TMEM135: variants seen among roughly 807,000 people sequenced by gnomAD.
TMEM135 encodes peroxisomal membrane protein 52.
A neutral mutation model predicts 60.3 loss-of-function variants in TMEM135; 30 were observed. The observed-to-expected ratio is 0.50, with a 90% CI of 0.37 to 0.68. TMEM135 has a LOEUF of 0.68. Among genes scored for constraint, TMEM135 ranks in the 30% least tolerant of loss-of-function variants. The pLI, the probability that TMEM135 is intolerant of heterozygous loss-of-function variation, is 0.00. For synonymous variants in TMEM135, 190 were observed against 186.7 expected, an observed-to-expected ratio of 1.02 and a Z score of -0.14; for missense variants, 468 against 548.8, an observed-to-expected ratio of 0.85 and a Z score of 1.47.
intron 6 of TMEM135, among the ~76,000 whole-genome samples, chr11:87,254,889 C>G (rs1420053427): frequency 6.6e-6 from 1 of 151,982 alleles, no homozygotes; most frequent in Non-Finnish European, 1.5e-5. Flanking sequence ...TCCTGTAATT[C>G]CAGCATTTTA....
At chr11:87,265,506 A>G (rs568075257) in intron 6 of TMEM135, among the ~76,000 whole-genome samples, 1 of 151,888 alleles carries the variant, frequency 6.6e-6, no homozygotes, top group East Asian at 1.9e-4. Context: ...TCTTCCTCCA[A>G]ATTTGTTTCT....
At chr11:87,056,464 A>G (rs1033231229) in intron 1 of TMEM135, among the ~76,000 whole-genome samples, 4 of 152,178 alleles carry the variant, frequency 2.6e-5, no homozygotes, top group African/African-American at 9.7e-5. Context: ...CCCATGGTTA[A>G]ATTTCATGAT....
At chr11:87,237,492 C>T (rs1016562409) in intron 6 of TMEM135, among the ~76,000 whole-genome samples, 5 of 151,676 alleles carry the variant, frequency 3.3e-5, no homozygotes, top group South Asian at 2.1e-4. Flanking sequence ...AAGACAGTTG[C>T]GGATTTTTAG....
intron 5 of TMEM135, among the ~76,000 whole-genome samples, chr11:87,191,987 C>CTTTTTTTTTTTTTTTTTTTTTTTTTT (rs200969171): frequency 6.5e-5 from 5 of 77,188 alleles, no homozygotes; most frequent in African/African-American, 2.9e-4. Flanking sequence ...CTTTTCTTTT[C>CTTTTTTTTTTTTTTTTTTTTTTTTTT]TTTTTTTTTT....
intron 5 of TMEM135, among the ~76,000 whole-genome samples, chr11:87,198,960 T>C (rs1940032332): frequency 6.6e-6 from 1 of 152,208 alleles, no homozygotes; most frequent in Admixed American, 6.5e-5. Context: ...ATCTATGCAG[T>C]GCTATAATAG....
chr11:87,176,494 G>T (rs185797301), intron 5 of TMEM135, among the ~76,000 whole-genome samples: 1 of 152,276 alleles, frequency 6.6e-6, no homozygotes, highest in Non-Finnish European at 1.5e-5. Flanking sequence ...TAGTGAGTTT[G>T]CTATATAATG....
intron 4 of TMEM135, among the ~76,000 whole-genome samples, chr11:87,109,426 T>C (rs1022690668): frequency 2.0e-5 from 3 of 152,202 alleles, no homozygotes; most frequent in African/African-American, 7.2e-5. Context: ...AAAAGTTATG[T>C]GAATGTGGTA....
chr11:87,282,434 T>G (rs1486732161), intron 6 of TMEM135, among the ~76,000 whole-genome samples: 1 of 152,070 alleles, frequency 6.6e-6, no homozygotes, highest in Admixed American at 6.5e-5. Context: ...CCGGCTAATT[T>G]TTGTATTTTT....
chr11:87,308,938 C>T (rs182012210), intron 9 of TMEM135, among the ~76,000 whole-genome samples: 1 of 152,148 alleles, frequency 6.6e-6, no homozygotes, highest in East Asian at 1.9e-4. Context: ...ATGTTTTAGC[C>T]CGACAGGAAT....
Position 87,295,778 on chromosome 11 carries a change from T to G in TMEM135, c.510-4T>G, listed in dbSNP as rs373325938. Reference sequence around the variant, plus strand: ...TTTATGATTGTAAATTCTTATTGTTTTAGGTGCAAGGATGGCTTGAAAGGA... The same window carrying G: ...TTTATGATTGTAAATTCTTATTGTTGTAGGTGCAAGGATGGCTTGAAAGGA... On this transcript the variant is annotated splice_polypyrimidine_tract_variant and splice_region_variant and intron_variant, in intron 6 of 14. Coordinates refer to ENST00000305494, the MANE Select transcript of TMEM135 (RefSeq NM_022918.4). 3.1e-6 allele frequency: 5 copies of G among 1,603,122 alleles called. No homozygotes were observed. Among genetic ancestry groups the G allele is most frequent in the Non-Finnish European group, 3.4e-6 (4 of 1,172,928 alleles).
At chr11:87,096,242 G>A (rs564469550) in intron 4 of TMEM135, 2 of 284,624 alleles carry the variant, frequency 7.0e-6, no homozygotes, top group East Asian at 9.6e-5. Context: ...CAGATACACA[G>A]CTTTAGATCC....
chr11:87,259,060 A>G, intron 6 of TMEM135: 2 of 1,329,346 alleles, frequency 1.5e-6, no homozygotes, highest in Admixed American at 1.7e-5. Flanking sequence ...TTTGTGAGCC[A>G]CAAAGAGGGA....
At chr11:87,047,086 C>T (rs146330690) in intron 1 of TMEM135, among the ~76,000 whole-genome samples, 50 of 152,336 alleles carry the variant, frequency 3.3e-4, no homozygotes, top group Non-Finnish European at 4.9e-4. Context: ...AAATCCTCAC[C>T]ATGGCCTTCA....
Position 87,321,974 on chromosome 11 carries a change from C to G in TMEM135, c.*641C>G. On this transcript the variant is annotated 3_prime_UTR_variant, in exon 15 of 15. Coordinates refer to ENST00000305494, the MANE Select transcript of TMEM135 (RefSeq NM_022918.4). The stretch of plus-strand genomic sequence containing the variant: ...TTTTTTTCAACTAATAACATCATCT[C>G]TCTTCATGACCAGTTAATTGGGCTA... The G allele has an allele frequency of 4.4e-6, 2 of 454,396 alleles. No homozygotes were observed. Among genetic ancestry groups the G allele is most frequent in the South Asian group, 3.1e-5 (2 of 64,470 alleles). 28.1% of individuals were successfully genotyped at this position (454,396 alleles called of 1,614,324 possible).
chr11:87,248,790 C>A (rs12291332), intron 6 of TMEM135, among the ~76,000 whole-genome samples: 1 of 152,008 alleles, frequency 6.6e-6, no homozygotes, highest in African/African-American at 2.4e-5. Flanking sequence ...TAATTTCTTG[C>A]ATCAGTGTTT....
Position 87,163,662 on chromosome 11 carries a change from A to G in TMEM135, c.462+6256A>G, listed in dbSNP as rs1938954513. ...AATTTACAGTCCCACCAACAGTGTAAAAGTGTTCCTATTTCTCCACATCCT... is the reference window on the plus strand; with the variant it reads ...AATTTACAGTCCCACCAACAGTGTAGAAGTGTTCCTATTTCTCCACATCCT... On this transcript the variant is annotated intron_variant, in intron 5 of 14. Transcript: ENST00000305494. Among the ~76,000 whole-genome samples the G allele has an allele frequency of 3.3e-5, 5 of 151,492 alleles. No individual in the cohort carries two copies. In the South Asian group the frequency reaches 8.4e-4, roughly 25 times the overall value.
chr11:87,169,859 T>C (rs769094715), intron 5 of TMEM135, among the ~76,000 whole-genome samples: 30 of 152,214 alleles, frequency 2.0e-4, no homozygotes, highest in Admixed American at 5.9e-4. Flanking sequence ...TCTTGCTAAG[T>C]TGGGAAGTTC....
intron 4 of TMEM135, among the ~76,000 whole-genome samples, chr11:87,129,884 AC>A (rs1937868034): frequency 6.6e-6 from 1 of 151,716 alleles, no homozygotes; most frequent in African/African-American, 2.4e-5. Context: ...ACAACTGGTT[AC>A]ATTCTGTCTT....
At chr11:87,221,211 A>G (rs1037796638) in intron 5 of TMEM135, among the ~76,000 whole-genome samples, 6 of 152,196 alleles carry the variant, frequency 3.9e-5, no homozygotes, top group African/African-American at 1.4e-4. Flanking sequence ...CTAAAATACC[A>G]TATGAGGATT....
Sources: gnomAD v4.1 joint callset for allele counts (sites outside exome capture counted in the v4.1 genomes callset) on GRCh38, gnomAD v4.1.1 for gene constraint, MANE v1.5 for transcripts, NCBI Gene and HGNC (gene_info 2026-07-23, HGNC 2026-07-21) for gene names.